Variants in MTFMT observed in about 807,000 individuals in gnomAD.
MTFMT encodes mitochondrial methionyl-tRNA formyltransferase, also known as methionyl-tRNA formyltransferase, mitochondrial.
Under a neutral mutation model 51.8 loss-of-function variants are expected in MTFMT, and 47 were observed. The observed-to-expected ratio is 0.91, with a 90% confidence interval of 0.72 to 1.16. The LOEUF is 1.16. MTFMT is among the 50% of genes most tolerant of loss of function. The pLI is 0.00. For synonymous variants in MTFMT, 196 were observed against 176.7 expected, an observed-to-expected ratio of 1.11 and a Z score of -0.87; for missense variants, 512 against 482.3, an observed-to-expected ratio of 1.06 and a Z score of -0.58.
chr15:65,014,934 ATTTT>A (rs57853235), intron 6 of MTFMT, among the ~76,000 whole-genome samples: 1 of 124,556 alleles, frequency 8.0e-6, no homozygotes, highest in African/African-American at 2.9e-5. Context: ...GCCTGGCCTG[ATTTT>A]TTTTTTTTTT....
chr15:65,018,816 A>G (rs1298899223), intron 5 of MTFMT, among the ~76,000 whole-genome samples: 1 of 152,212 alleles, frequency 6.6e-6, no homozygotes, highest in Non-Finnish European at 1.5e-5. Flanking sequence ...GCGTCAAATG[A>G]TACTAAAAAG....
In MTFMT at chr15:65,026,884, T is replaced by C; in HGVS notation, c.366A>G (p.Val122=). The C allele has an allele frequency of 6.2e-7, 1 of 1,613,976 alleles. No individual in the cohort carries two copies. Among genetic ancestry groups the C allele is most frequent in the African/African-American group, 1.3e-5 (1 of 75,038 alleles). Residue 122 remains valine, a synonymous_variant, in exon 2 of 9, where the codon GTA becomes GTG. Transcript: ENST00000220058. ...TCAAAAGTCGGCCAAACGAAGCCAC[T>C]ACTCCAACATCATATTCTCCAGATC... is the stretch of plus-strand genomic sequence containing the variant. ...DVGSGEYDVG[V]VASFGRLLNE... is the part of the protein sequence containing the mutation.
At position 65,002,292 on chromosome 15, in the gene MTFMT, A is replaced by G. The variant is rs1219224127; in HGVS notation, c.*770T>C. 3 of 151,882 alleles carry G rather than the reference A, an allele frequency of 2.0e-5. No homozygotes were observed. Among genetic ancestry groups the G allele is most frequent in the African/African-American group, 7.3e-5 (3 of 41,338 alleles). 9.4% of individuals were successfully genotyped at this position (151,882 alleles called of 1,614,324 possible). ...GTGGCGGACGCCTGTAGTCCCAGCT[A>G]CTTGGGAGGCTGAGGCAGGAGAATG... On this transcript the variant is annotated 3_prime_UTR_variant, in exon 9 of 9. Coordinates refer to ENST00000220058, the MANE Select transcript of MTFMT (RefSeq NM_139242.4).
intron 6 of MTFMT, among the ~76,000 whole-genome samples, chr15:65,006,417 A>C (rs1670817117): frequency 6.9e-6 from 1 of 144,622 alleles, no homozygotes; most frequent in Non-Finnish European, 1.5e-5. Context: ...TCGTTGTGTC[A>C]CCAGGCTGGA....
chr15:65,023,585 A>ACCAC (rs2086393821), intron 3 of MTFMT, 87 bp downstream of exon 3: 1 of 1,303,722 alleles, frequency 7.7e-7, no homozygotes, highest in Admixed American at 1.8e-5. Context: ...ATTAGTGAGC[A>ACCAC]CCACCCATTC....
rs1449370956 is a variant in MTFMT at position 65,029,575 on chromosome 15, C to T, written c.39G>A (p.Leu13=). 6.0e-6 allele frequency: 9 copies of T among 1,499,652 alleles called. No homozygotes were observed. The highest frequency in any genetic ancestry group is 2.1e-4 in the Middle Eastern group (1 of 4,824). 92.9% of individuals were successfully genotyped at this position (1,499,652 alleles called of 1,614,324 possible). Residue 13 remains leucine (L), a synonymous_variant, in exon 1 of 9, where the codon CTG becomes CTA. Coordinates refer to ENST00000220058, the MANE Select transcript of MTFMT (RefSeq NM_139242.4). ...VLVRRCWGPP[L]AHGARRGRPS... ...GCCTCCCACGCCTGGCGCCATGAGC[C>T]AGCGGAGGACCCCAACAGCGCCGCA...
At chr15:65,021,892 T>A (rs1332881648) in intron 3 of MTFMT, among the ~76,000 whole-genome samples, 1 of 152,236 alleles carries the variant, frequency 6.6e-6, no homozygotes, top group Non-Finnish European at 1.5e-5. Flanking sequence ...ATATGTCAGT[T>A]TGAAAGACGG....
chr15:65,004,457 T>C (rs1448714217), intron 8 of MTFMT, among the ~76,000 whole-genome samples: 1 of 152,204 alleles, frequency 6.6e-6, no homozygotes, highest in Non-Finnish European at 1.5e-5. Flanking sequence ...TTTAAAAAGT[T>C]CAGAAATCTC....
chr15:65,029,124 G>A (rs530302036), intron 1 of MTFMT: 138 of 303,230 alleles, frequency 4.6e-4, no homozygotes, highest in African/African-American at 3.0e-3. Context: ...TGCAGGCAGA[G>A]CGCCCAGCCC....
chr15:65,025,307 A>T (rs562087143), intron 2 of MTFMT, among the ~76,000 whole-genome samples: 4 of 149,644 alleles, frequency 2.7e-5, no homozygotes, highest in Non-Finnish European at 5.9e-5. Context: ...CAGAAGGCTG[A>T]GGCAGGAAGA....
At position 65,020,255 on chromosome 15, in the gene MTFMT, T is replaced by C. The variant is rs113328015; in HGVS notation, c.663A>G (p.Lys221=). The C allele has an allele frequency of 2.4e-5, 39 of 1,611,914 alleles. 2 individuals carry two copies. Among genetic ancestry groups the C allele is most frequent in the African/African-American group, 1.3e-4 (10 of 74,568 alleles). The change falls in exon 5 of 9, where the codon AAA becomes AAG. Residue 221 remains lysine (K), a synonymous_variant. Coordinates refer to ENST00000220058, the MANE Select transcript of MTFMT (RefSeq NM_139242.4). ...LGANMLISVL[K]NLPESLSNGR... ...CATTGCTCAGACTTTCAGGCAAATT[T>C]TTCAAAACTGAAATGAGCTACAAAA...
intron 6 of MTFMT, among the ~76,000 whole-genome samples, chr15:65,015,197 C>T (rs1342084411): frequency 2.0e-5 from 3 of 152,046 alleles, no homozygotes; most frequent in Admixed American, 6.6e-5. Context: ...GAGTCTACGA[C>T]GTTAGGAAGT....
intron 3 of MTFMT, among the ~76,000 whole-genome samples, chr15:65,023,286 T>C (rs1189983315): frequency 1.3e-5 from 2 of 152,222 alleles, no homozygotes; most frequent in East Asian, 3.8e-4. Flanking sequence ...ATATACAATA[T>C]ATTCTTATTT....
At chr15:65,009,656 TA>T (rs1265315957) in intron 6 of MTFMT, among the ~76,000 whole-genome samples, 1 of 147,622 alleles carries the variant, frequency 6.8e-6, no homozygotes. Flanking sequence ...TTTATTTTTT[TA>T]ATTTTTTTTT....
Position 65,003,082 on chromosome 15 carries a change from T to C in MTFMT, c.1150A>G (p.Met384Val), listed in dbSNP as rs755055132. ...CCTAACTACTCAATGCATTGTTGCA[T>C]AGCAACAGTTTTTTTCTGCTTCTTC... is the stretch of plus-strand genomic sequence containing the variant. ...TKKKQKKTVA[M>V]QQCIE The change falls in exon 9 of 9, where the codon ATG becomes GTG. Residue 384 changes from methionine (M) to valine (V), a missense_variant. By Grantham distance (21) the Met-to-Val change is conservative (BLOSUM62 1). Coordinates refer to ENST00000220058, the MANE Select transcript of MTFMT (RefSeq NM_139242.4). 3.7e-6 allele frequency: 6 copies of C among 1,603,944 alleles called. No homozygotes were observed. The highest frequency in any genetic ancestry group is 4.3e-6 in the Non-Finnish European group (5 of 1,174,092).
At chr15:65,027,742 T>C (rs548297961) in intron 1 of MTFMT, among the ~76,000 whole-genome samples, 1 of 152,312 alleles carries the variant, frequency 6.6e-6, no homozygotes, top group South Asian at 2.1e-4. Flanking sequence ...TATTTGTATA[T>C]TCACTGAACA....
intron 6 of MTFMT, among the ~76,000 whole-genome samples, chr15:65,015,392 T>G (rs2086311619): frequency 6.6e-6 from 1 of 152,196 alleles, no homozygotes; most frequent in African/African-American, 2.4e-5. Flanking sequence ...ATTATCTACT[T>G]TAAGCCTCAA....
At chr15:65,008,692 G>A (rs2086238693) in intron 6 of MTFMT, among the ~76,000 whole-genome samples, 1 of 152,166 alleles carries the variant, frequency 6.6e-6, no homozygotes, top group Non-Finnish European at 1.5e-5. Context: ...AAATGAATTT[G>A]AAGAACAAGT....
chr15:65,002,724 G>C lies in MTFMT; in HGVS notation c.*338C>G, dbSNP rs548249262. 6.4e-6 allele frequency: 1 copy of C among 156,952 alleles called. No homozygotes were observed. The highest frequency in any genetic ancestry group is 2.4e-5 in the African/African-American group (1 of 41,616). The allele number at this position is 156,952 out of a possible 1,614,324, so 9.7% of individuals were successfully genotyped here. A position where few individuals can be genotyped will look rare whatever the true frequency, so the allele number is the denominator to read the frequency against. ...TCACGTCTGTAATCATAGCACTTTG[G>C]GAGGCTGAGGTGGGCAGATCACAAG... On this transcript the variant is annotated 3_prime_UTR_variant, in exon 9 of 9. Coordinates refer to ENST00000220058, the MANE Select transcript of MTFMT (RefSeq NM_139242.4).
Sources: allele counts gnomAD v4.1 joint callset (sites outside exome capture counted in the v4.1 genomes callset), GRCh38; gene constraint gnomAD v4.1.1; transcripts MANE v1.5; gene names NCBI Gene and HGNC (gene_info 2026-07-23, HGNC 2026-07-21).